Variants in NRXN3 observed in about 807,000 individuals in gnomAD.
The protein encoded by NRXN3 is neurexin III.
A neutral mutation model predicts 137.6 loss-of-function variants in NRXN3; 32 were observed. The observed-to-expected ratio is 0.23, with a 90% CI of 0.18 to 0.31. The LOEUF (loss-of-function observed/expected upper bound fraction) is 0.31. Among genes scored for constraint, NRXN3 ranks in the 10% least tolerant of loss-of-function variants. The pLI is 1.00. For synonymous variants in NRXN3, 798 were observed against 784.5 expected (o/e 1.02, Z -0.29); for missense variants, 1,574 against 2,062.5 (o/e 0.76, Z 4.59).
intron 15 of NRXN3, among the ~76,000 whole-genome samples, chr14:79,372,818 G>A (rs1038569076): frequency 5.9e-5 from 9 of 152,112 alleles, no homozygotes; most frequent in African/African-American, 1.2e-4. Context: ...TGACATATTC[G>A]TTTCAAAGCA....
At chr14:78,714,711 T>C (rs1284477082) in intron 7 of NRXN3, 45 bp from the exon 8 acceptor site, 1 of 1,593,604 alleles carries the variant, frequency 6.3e-7, no homozygotes, top group African/African-American at 1.3e-5. Flanking sequence ...TTACATTTGG[T>C]TAAGCAACTG....
intron 11 of NRXN3, among the ~76,000 whole-genome samples, chr14:78,958,598 A>G (rs1308445106): frequency 1.1e-4 from 16 of 151,724 alleles, no homozygotes; most frequent in South Asian, 2.1e-4. Context: ...CTCCTGATCC[A>G]CCCGCCTCGG....
intron 10 of NRXN3, among the ~76,000 whole-genome samples, chr14:78,903,836 TA>T (rs535586839): frequency 1.6e-3 from 237 of 152,168 alleles, no homozygotes; most frequent in African/African-American, 5.5e-3. Flanking sequence ...AAGTGCTGTT[TA>T]TGCAATGAAG....
chr14:79,159,443 T>G (rs1055353409), intron 15 of NRXN3, among the ~76,000 whole-genome samples: 2 of 151,868 alleles, frequency 1.3e-5, no homozygotes, highest in Non-Finnish European at 2.9e-5. Context: ...CAGTAAGCAT[T>G]GTTAGTGAAC....
chr14:78,237,035 T>C (rs965147743), intron 1 of NRXN3, among the ~76,000 whole-genome samples: 1 of 152,152 alleles, frequency 6.6e-6, no homozygotes, highest in African/African-American at 2.4e-5. Flanking sequence ...GGTTCTTGTA[T>C]AAGAACAAGC....
At chr14:79,271,441 T>G (rs1024122662) in intron 15 of NRXN3, among the ~76,000 whole-genome samples, 4 of 135,984 alleles carry the variant, frequency 2.9e-5, no homozygotes, top group Non-Finnish European at 4.7e-5. Flanking sequence ...TCCTTTCCCC[T>G]TTTTTTCCCT....
intron 15 of NRXN3, among the ~76,000 whole-genome samples, chr14:79,288,339 G>GC (rs1275878942): frequency 6.6e-6 from 1 of 152,190 alleles, no homozygotes; most frequent in Non-Finnish European, 1.5e-5. Context: ...CCATATCAGA[G>GC]CAGGGGGCAG....
chr14:78,450,872 A>T (rs991934968), intron 4 of NRXN3, among the ~76,000 whole-genome samples: 2 of 152,160 alleles, frequency 1.3e-5, no homozygotes, highest in African/African-American at 4.8e-5. Flanking sequence ...ACAGGGGCTC[A>T]GCTGGAAGCA....
At chr14:78,321,985 G>T (rs2079428485) in intron 4 of NRXN3, among the ~76,000 whole-genome samples, 1 of 151,828 alleles carries the variant, frequency 6.6e-6, no homozygotes, top group Non-Finnish European at 1.5e-5. Flanking sequence ...TCCCTACTTT[G>T]GACTGTTCAC....
At chr14:79,399,506 A>G (rs1047135950) in intron 15 of NRXN3, among the ~76,000 whole-genome samples, 1 of 152,182 alleles carries the variant, frequency 6.6e-6, no homozygotes, top group African/African-American at 2.4e-5. Context: ...AGAATATTGG[A>G]GAGCAATTAG....
At chr14:79,666,806 T>C (rs1157541821) in intron 17 of NRXN3, among the ~76,000 whole-genome samples, 1 of 152,102 alleles carries the variant, frequency 6.6e-6, no homozygotes, top group Admixed American at 6.6e-5. Context: ...TTTAAAAGTT[T>C]TATTGGCACC....
At chr14:78,302,339 T>C (rs2076956783) in intron 4 of NRXN3, among the ~76,000 whole-genome samples, 1 of 152,344 alleles carries the variant, frequency 6.6e-6, no homozygotes, top group Non-Finnish European at 1.5e-5. Flanking sequence ...TTGTGCTATA[T>C]GCCTAATGGG....
At chr14:79,502,182 G>C (rs1230323906) in intron 16 of NRXN3, among the ~76,000 whole-genome samples, 1 of 152,194 alleles carries the variant, frequency 6.6e-6, no homozygotes. Flanking sequence ...AGTGGGAAGA[G>C]AAATTCTTAG....
chr14:79,073,485 T>G (rs1052821474), intron 15 of NRXN3, among the ~76,000 whole-genome samples: 2 of 152,206 alleles, frequency 1.3e-5, no homozygotes, highest in Non-Finnish European at 2.9e-5. Context: ...ATTTTCCTCC[T>G]GCTTGATGTG....
At chr14:79,702,856 T>C (rs565359203) in intron 19 of NRXN3, among the ~76,000 whole-genome samples, 1 of 120,962 alleles carries the variant, frequency 8.3e-6, no homozygotes, top group African/African-American at 3.1e-5. Flanking sequence ...TCGTTGGTCT[T>C]CCTTCAGGAT....
At chr14:79,720,705 C>A (rs2192422) in intron 19 of NRXN3, among the ~76,000 whole-genome samples, 72,488 of 151,880 alleles carry the variant, frequency 0.48, 17,790 homozygotes, top group Middle Eastern at 0.65. Flanking sequence ...TATCCTAAAA[C>A]TAAAGACAGT....
At chr14:79,741,496 G>A (rs2098962917) in intron 19 of NRXN3, among the ~76,000 whole-genome samples, 1 of 151,242 alleles carries the variant, frequency 6.6e-6, no homozygotes, top group Admixed American at 6.6e-5. Context: ...ATTTTTTGTT[G>A]TTGTTTTTGA....
At position 78,274,196 on chromosome 14, in the gene NRXN3, A is replaced by G. The variant is rs190545104; in HGVS notation, c.710-4449A>G. 4.6e-5 allele frequency among the ~76,000 whole-genome samples: 7 copies of G among 152,290 alleles called. No individual in the cohort carries two copies. The East Asian group carries it at 1.3e-3, about 29-fold the overall frequency. On this transcript the variant is annotated intron_variant, in intron 2 of 20. Transcript: ENST00000335750. ...TTTCTTTTCCTCCCAATGGTTATGT[A>G]TTAGTCTGTTCTCATGCTTCTGTGA...
At chr14:79,396,618 A>G (rs1040084667) in intron 15 of NRXN3, among the ~76,000 whole-genome samples, 1 of 152,288 alleles carries the variant, frequency 6.6e-6, no homozygotes, top group East Asian at 1.9e-4. Flanking sequence ...CAGACAGGTA[A>G]GACAGTCAAG....
Sources: gnomAD v4.1 joint callset for allele counts (sites outside exome capture counted in the v4.1 genomes callset) on GRCh38, gnomAD v4.1.1 for gene constraint, MANE v1.5 for transcripts, NCBI Gene and HGNC (gene_info 2026-07-23, HGNC 2026-07-21) for gene names.